The following UMAD1 variants were observed in gnomAD, a reference collection of about 807,000 sequenced individuals.
The protein encoded by UMAD1 is UBAP1-MVB12-associated (UMA) domain containing 1.
Under a neutral mutation model 6.1 loss-of-function variants are expected in UMAD1, and 8 were observed. The ratio of observed to expected loss-of-function variants is 1.30; its 90% confidence interval spans 0.76 to 2.35. The LOEUF (loss-of-function observed/expected upper bound fraction) is 2.35. Ranked by LOEUF, UMAD1 falls within the 30% of genes most tolerant of loss-of-function variation. The probability of loss-of-function intolerance (pLI) is 0.00; values close to 1 mark genes in which losing one functional copy is unlikely to be tolerated. For synonymous variants in UMAD1, 56 were observed against 31.4 expected (o/e 1.78, Z -2.61); for missense variants, 130 against 78.4 (o/e 1.66, Z -2.49).
At chr7:7,763,348 A>G (rs969039267) in intron 2 of UMAD1, among the ~76,000 whole-genome samples, 3 of 152,118 alleles carry the variant, frequency 2.0e-5, no homozygotes, top group Non-Finnish European at 4.4e-5. Flanking sequence ...GGTTTGGGGT[A>G]TGGATCCCAT....
chr7:7,867,221 T>C (rs6463740), intron 3 of UMAD1, among the ~76,000 whole-genome samples: 82,219 of 151,990 alleles, frequency 0.54, 23,272 homozygotes, highest in African/African-American at 0.71. Context: ...CAAAAGGAAA[T>C]GTATAATAGG....
At chr7:7,729,199 A>G (rs1221131513) in intron 2 of UMAD1, among the ~76,000 whole-genome samples, 1 of 152,160 alleles carries the variant, frequency 6.6e-6, no homozygotes, top group Non-Finnish European at 1.5e-5. Context: ...TGAGTGGGAA[A>G]AGGCCCTTCC....
chr7:7,724,685 C>A (rs1052532458), intron 2 of UMAD1, among the ~76,000 whole-genome samples: 1 of 152,174 alleles, frequency 6.6e-6, no homozygotes, highest in South Asian at 2.1e-4. Flanking sequence ...GTAAGCTTAA[C>A]CAAGTGGTGA....
At chr7:7,726,962 C>G (rs1414600198) in intron 2 of UMAD1, among the ~76,000 whole-genome samples, 2 of 152,082 alleles carry the variant, frequency 1.3e-5, no homozygotes, top group East Asian at 3.9e-4. Flanking sequence ...ATTACCCTGC[C>G]CTGTGGTTCA....
intron 2 of UMAD1, chr7:7,742,358 C>T (rs1781487877): frequency 3.3e-6 from 2 of 600,816 alleles, no homozygotes; most frequent in African/African-American, 3.7e-5. Flanking sequence ...CCTGGGGGCG[C>T]TCTTCCGAGG....
chr7:7,864,490 G>T (rs1257604608), intron 3 of UMAD1, among the ~76,000 whole-genome samples: 3 of 151,860 alleles, frequency 2.0e-5, no homozygotes, highest in African/African-American at 7.3e-5. Flanking sequence ...CACTCAAGCA[G>T]ATGGGGACAA....
At chr7:7,865,917 G>T (rs1462865893) in intron 3 of UMAD1, among the ~76,000 whole-genome samples, 4 of 152,164 alleles carry the variant, frequency 2.6e-5, no homozygotes, top group Non-Finnish European at 5.9e-5. Flanking sequence ...ATTGTGGCAG[G>T]ACCCCATTAA....
chr7:7,737,004 A>T (rs1265634262), intron 2 of UMAD1, among the ~76,000 whole-genome samples: 1 of 152,224 alleles, frequency 6.6e-6, no homozygotes, highest in Non-Finnish European at 1.5e-5. Flanking sequence ...AGAAGCTGCC[A>T]TGGCCACCTT....
At chr7:7,748,786 A>G (rs983939002) in intron 2 of UMAD1, among the ~76,000 whole-genome samples, 8 of 151,842 alleles carry the variant, frequency 5.3e-5, no homozygotes, top group Non-Finnish European at 1.0e-4. Flanking sequence ...AATTTAAAAA[A>G]TTCTTTTATT....
At chr7:7,854,435 T>G (rs1783976620) in intron 3 of UMAD1, among the ~76,000 whole-genome samples, 1 of 149,656 alleles carries the variant, frequency 6.7e-6, no homozygotes, top group South Asian at 2.1e-4. Context: ...CTCAGAAAAC[T>G]TACAATCATG....
intron 2 of UMAD1, among the ~76,000 whole-genome samples, chr7:7,705,456 A>C (rs375554038): frequency 5.4e-4 from 83 of 152,346 alleles, no homozygotes; most frequent in African/African-American, 1.9e-3. Flanking sequence ...GGTTTGGGTC[A>C]CTGCTCTGTA....
chr7:7,703,989 G>A (rs960521986), intron 2 of UMAD1, among the ~76,000 whole-genome samples: 8 of 151,964 alleles, frequency 5.3e-5, no homozygotes, highest in African/African-American at 7.3e-5. Context: ...GGGAAGGAAG[G>A]AAAGAAAAGA....
rs28916002 is a variant in UMAD1, at chr7:7,670,347, GTC to G, written c.-63-2956_-63-2955del. Among the ~76,000 whole-genome samples, 786 of 152,224 alleles carry G rather than the reference GTC, an allele frequency of 5.2e-3. 3 individuals carry two copies. Among genetic ancestry groups the G allele is most frequent in the African/African-American group, 0.018 (742 of 41,522 alleles). On this transcript the variant is annotated intron_variant, in intron 1 of 3. Coordinates refer to ENST00000682710, the MANE Select transcript of UMAD1 (RefSeq NM_001302348.2). The stretch of plus-strand genomic sequence containing the variant: ...TAGAAGAGGAGCCACTTCGTAAAGG[GTC>G]TCTCTATATATACAAAAGTTCTTGT...
At chr7:7,647,862 C>G (rs1785132751) in intron 1 of UMAD1, among the ~76,000 whole-genome samples, 1 of 152,214 alleles carries the variant, frequency 6.6e-6, no homozygotes, top group Non-Finnish European at 1.5e-5. Context: ...TCCTTGGCCT[C>G]TCAGAGTGCT....
intron 3 of UMAD1, among the ~76,000 whole-genome samples, chr7:7,857,089 C>G (rs1002903944): frequency 2.0e-5 from 3 of 152,036 alleles, no homozygotes; most frequent in Non-Finnish European, 4.4e-5. Flanking sequence ...GGTTTTAGTT[C>G]AAAGCAATTA....
At chr7:7,699,026 T>C (rs1293577001) in intron 2 of UMAD1, among the ~76,000 whole-genome samples, 1 of 141,236 alleles carries the variant, frequency 7.1e-6, no homozygotes. Context: ...AGTTAATTTT[T>C]ATATAGTTTG....
intron 3 of UMAD1, among the ~76,000 whole-genome samples, chr7:7,827,648 G>A (rs1480903061): frequency 6.6e-6 from 1 of 152,020 alleles, no homozygotes; most frequent in Non-Finnish European, 1.5e-5. Flanking sequence ...TGAACTAGAA[G>A]TAATAGTAAG....
chr7:7,802,904 A>G (rs1782830824), intron 3 of UMAD1, among the ~76,000 whole-genome samples: 1 of 152,208 alleles, frequency 6.6e-6, no homozygotes, highest in Admixed American at 6.5e-5. Context: ...TTTCACCGTG[A>G]ACAAATATTT....
chr7:7,835,877 C>T (rs542404200), intron 3 of UMAD1, among the ~76,000 whole-genome samples: 81 of 152,004 alleles, frequency 5.3e-4, no homozygotes, highest in Admixed American at 2.7e-3. Context: ...GTTTTCTTCT[C>T]AATTGGTTTG....
Sources: allele counts gnomAD v4.1 joint callset (sites outside exome capture counted in the v4.1 genomes callset), GRCh38; gene constraint gnomAD v4.1.1; transcripts MANE v1.5; gene names NCBI Gene and HGNC (gene_info 2026-07-23, HGNC 2026-07-21).